RAI14: variants seen among roughly 807,000 people sequenced by gnomAD.
The protein encoded by RAI14 is retinoic acid induced 14, also known as ankycorbin.
RAI14 carries 45 observed loss-of-function variants against 115.4 expected under a neutral mutation model. The observed-to-expected ratio is 0.39, with a 90% confidence interval of 0.31 to 0.50. RAI14 has a LOEUF of 0.50. RAI14 is among the 20% of genes least tolerant of loss of function. The probability of loss-of-function intolerance (pLI) is 0.85; values close to 1 mark genes in which losing one functional copy is unlikely to be tolerated. For missense variants in RAI14, 939 were observed against 1,131.2 expected, an observed-to-expected ratio of 0.83 and a Z score of 2.44; for synonymous variants, 371 against 415.4, an observed-to-expected ratio of 0.89 and a Z score of 1.30.
chr5:34,708,358 T>G (rs1740984627), intron 2 of RAI14, among the ~76,000 whole-genome samples: 1 of 152,020 alleles, frequency 6.6e-6, no homozygotes. Context: ...ATGCGCCACC[T>G]CGCCCGGCTA....
intron 2 of RAI14, among the ~76,000 whole-genome samples, chr5:34,732,461 CAG>C (rs1744320961): frequency 1.7e-5 from 2 of 120,180 alleles, no homozygotes; most frequent in Admixed American, 1.8e-4. Context: ...TTTTTTTTGA[CAG>C]AGTCTTGCTC....
chr5:34,749,457 A>G (rs1443897526), intron 2 of RAI14, among the ~76,000 whole-genome samples: 1 of 152,252 alleles, frequency 6.6e-6, no homozygotes, highest in Non-Finnish European at 1.5e-5. Flanking sequence ...CCCAATGATT[A>G]AACCAAAATA....
At chr5:34,796,945 G>T (rs368481097) in intron 4 of RAI14, among the ~76,000 whole-genome samples, 7 of 151,970 alleles carry the variant, frequency 4.6e-5, no homozygotes, top group African/African-American at 1.5e-4. Context: ...TTTAAAGCTC[G>T]CTGGGTGATT....
chr5:34,789,821 C>G (rs1360656667), intron 3 of RAI14, among the ~76,000 whole-genome samples: 5 of 152,034 alleles, frequency 3.3e-5, no homozygotes, highest in Admixed American at 3.3e-4. Context: ...CGTCAACAAC[C>G]CATTTTACTG....
chr5:34,816,269 G>A (rs1756208534), intron 12 of RAI14, among the ~76,000 whole-genome samples: 1 of 152,034 alleles, frequency 6.6e-6, no homozygotes, highest in Non-Finnish European at 1.5e-5. Flanking sequence ...AATACAAAGT[G>A]CTAAAGTTTT....
intron 2 of RAI14, among the ~76,000 whole-genome samples, chr5:34,706,470 G>A (rs1448593933): frequency 6.6e-6 from 1 of 152,142 alleles, no homozygotes; most frequent in Non-Finnish European, 1.5e-5. Context: ...GAGGGTTCTT[G>A]CTCAAAATAT....
intron 2 of RAI14, among the ~76,000 whole-genome samples, chr5:34,741,470 T>A (rs1745499643): frequency 6.6e-6 from 1 of 152,158 alleles, no homozygotes; most frequent in South Asian, 2.1e-4. Flanking sequence ...TTGAAATAGA[T>A]GGCAGGGAGC....
chr5:34,658,073 C>T (rs1318066679), intron 1 of RAI14, among the ~76,000 whole-genome samples: 1 of 152,150 alleles, frequency 6.6e-6, no homozygotes, highest in Admixed American at 6.5e-5. Flanking sequence ...CCGTGCTGGG[C>T]TGTTGCACAG....
At chr5:34,757,196 A>C (rs1419083172) in intron 2 of RAI14, 1 of 490,920 alleles carries the variant, frequency 2.0e-6, no homozygotes, top group Non-Finnish European at 4.0e-6. Flanking sequence ...ACGTTGCTTC[A>C]TATTCCTAGT....
At chr5:34,752,081 G>A (rs750323554) in intron 2 of RAI14, among the ~76,000 whole-genome samples, 1 of 152,144 alleles carries the variant, frequency 6.6e-6, no homozygotes, top group Non-Finnish European at 1.5e-5. Context: ...TTGTGACTGG[G>A]AGACATCGCG....
chr5:34,763,253 C>T (rs1391290993), intron 3 of RAI14, among the ~76,000 whole-genome samples: 1 of 152,162 alleles, frequency 6.6e-6, no homozygotes, highest in East Asian at 1.9e-4. Context: ...ACCTGATCAG[C>T]TCTCTCCAGT....
intron 3 of RAI14, among the ~76,000 whole-genome samples, chr5:34,783,862 C>T (rs1253079490): frequency 6.6e-6 from 1 of 152,190 alleles, no homozygotes; most frequent in Admixed American, 6.5e-5. Flanking sequence ...CTGGAATGCC[C>T]ATCACCGCAA....
At chr5:34,750,747 C>T (rs1296969545) in intron 2 of RAI14, among the ~76,000 whole-genome samples, 1 of 152,014 alleles carries the variant, frequency 6.6e-6, no homozygotes, top group Non-Finnish European at 1.5e-5. Flanking sequence ...AGAGCAAGTC[C>T]CAGAATGGCC....
At chr5:34,721,910 T>C (rs1742806258) in intron 2 of RAI14, among the ~76,000 whole-genome samples, 2 of 152,102 alleles carry the variant, frequency 1.3e-5, no homozygotes, top group South Asian at 4.1e-4. Context: ...GGTTTCACCA[T>C]GTTGGCCAGG....
intron 3 of RAI14, among the ~76,000 whole-genome samples, chr5:34,781,306 G>T (rs949841029): frequency 2.6e-5 from 4 of 151,768 alleles, no homozygotes; most frequent in Non-Finnish European, 4.4e-5. Context: ...CACCAACGTG[G>T]CACATGTATA....
At chr5:34,826,281 C>G in intron 15 of RAI14, 49 bp from the exon 16 acceptor site, 1 of 1,550,430 alleles carries the variant, frequency 6.4e-7, no homozygotes, top group Non-Finnish European at 8.8e-7. Flanking sequence ...TGAAATTTTG[C>G]TTTGTAGACA....
chr5:34,764,010 C>A (rs1033370594), intron 3 of RAI14, among the ~76,000 whole-genome samples: 1 of 152,178 alleles, frequency 6.6e-6, no homozygotes, highest in Non-Finnish European at 1.5e-5. Context: ...CACCACCACA[C>A]CTGGCTAATT....
chr5:34,781,467 A>T (rs1751629926), intron 3 of RAI14, among the ~76,000 whole-genome samples: 1 of 152,210 alleles, frequency 6.6e-6, no homozygotes, highest in African/African-American at 2.4e-5. Flanking sequence ...TTAAGTGCAG[A>T]TTTCAGCTGA....
intron 1 of RAI14, chr5:34,684,450 C>G (rs112486498): frequency 6.6e-6 from 1 of 152,204 alleles, no homozygotes; most frequent in Non-Finnish European, 1.5e-5. Flanking sequence ...TTTTCTGTGA[C>G]TAAATGCTTG....
Sources: gnomAD v4.1 joint callset for allele counts (sites outside exome capture counted in the v4.1 genomes callset) on GRCh38, gnomAD v4.1.1 for gene constraint, MANE v1.5 for transcripts, NCBI Gene and HGNC (gene_info 2026-07-23, HGNC 2026-07-21) for gene names.